The following PDE4D variants were observed in gnomAD, a reference collection of about 807,000 sequenced individuals.
The protein encoded by PDE4D is 3',5'-cyclic-AMP phosphodiesterase 4D.
Under a neutral mutation model 87.4 loss-of-function variants are expected in PDE4D, and 24 were observed. The ratio of observed to expected loss-of-function variants is 0.27; its 90% confidence interval spans 0.20 to 0.39. PDE4D has a LOEUF of 0.39. Among genes scored for constraint, PDE4D ranks in the 10% least tolerant of loss-of-function variants. The probability of loss-of-function intolerance (pLI) is 1.00; values close to 1 mark genes in which losing one functional copy is unlikely to be tolerated. For missense variants in PDE4D, 714 were observed against 1,041.0 expected, an observed-to-expected ratio of 0.69 and a Z score of 4.32; for synonymous variants, 384 against 383.2, an observed-to-expected ratio of 1.00 and a Z score of -0.02.
At chr5:59,833,006 C>T (rs10036621) in intron 1 of PDE4D, among the ~76,000 whole-genome samples, 14,374 of 151,928 alleles carry the variant, frequency 0.095, 2,112 homozygotes, top group African/African-American at 0.31. Context: ...CAGTGAAGGT[C>T]TGACAAGTAG....
chr5:60,281,654 A>G (rs997033112), intron 1 of PDE4D, among the ~76,000 whole-genome samples: 21 of 152,184 alleles, frequency 1.4e-4, no homozygotes, highest in African/African-American at 4.6e-4. Flanking sequence ...TTTAAAAATT[A>G]AGCAAAAGAA....
At chr5:60,227,573 A>T (rs1235485753) in intron 1 of PDE4D, among the ~76,000 whole-genome samples, 2 of 121,382 alleles carry the variant, frequency 1.6e-5, no homozygotes, top group Non-Finnish European at 3.3e-5. Flanking sequence ...GGAAGGGAGG[A>T]GGAGAGGAAA....
intron 2 of PDE4D, among the ~76,000 whole-genome samples, chr5:60,111,423 C>T (rs1741629414): frequency 6.6e-6 from 1 of 151,738 alleles, no homozygotes; most frequent in African/African-American, 2.4e-5. Flanking sequence ...GAACATTCAC[C>T]CAGAAAACAA....
chr5:59,023,256 C>T (rs1370315872), intron 6 of PDE4D, among the ~76,000 whole-genome samples: 3 of 152,088 alleles, frequency 2.0e-5, no homozygotes, highest in African/African-American at 7.2e-5. Context: ...ATCTTCCCCA[C>T]CAATACAACA....
Position 60,076,913 on chromosome 5 carries a change from G to C in PDE4D, c.43-88196C>G, listed in dbSNP as rs115485420. On this transcript the variant is annotated intron_variant, in intron 2 of 16. Coordinates refer to the PDE4D transcript ENST00000502484. ...CTGTGTGGGCATTCACAGCAGCAGT[G>C]GTGGCCACATGGCGACATGGCTTGG... Among the ~76,000 whole-genome samples the C allele has an allele frequency of 3.3e-5, 5 of 152,184 alleles. No homozygotes were observed. The East Asian group carries it at 5.8e-4, about 18-fold the overall frequency.
At chr5:59,657,912 T>C (rs1744635965) in intron 1 of PDE4D, among the ~76,000 whole-genome samples, 1 of 152,196 alleles carries the variant, frequency 6.6e-6, no homozygotes, top group Non-Finnish European at 1.5e-5. Context: ...TTTTGTGTTA[T>C]TCCTCTGCAA....
intron 1 of PDE4D, among the ~76,000 whole-genome samples, chr5:59,380,584 G>A (rs1239794492): frequency 6.6e-6 from 1 of 152,094 alleles, no homozygotes; most frequent in African/African-American, 2.4e-5. Flanking sequence ...TCTACTTCAG[G>A]CAGTTTCTCA....
chr5:59,200,276 CAGCTACAAGTATACATACATAT>C lies in PDE4D; in HGVS notation c.648-6762_648-6741del, dbSNP rs1175349995. Among the ~76,000 whole-genome samples the C allele has an allele frequency of 5.3e-4, 69 of 129,386 alleles. 3 individuals are homozygous for C. Among genetic ancestry groups the C allele is most frequent in the African/African-American group, 1.9e-3 (58 of 30,572 alleles). The allele number at this position is 129,386 out of a possible 152,430, so 84.9% of individuals were successfully genotyped here. Reference sequence around the variant, plus strand: ...ACGTATACATACATATGTGTATGTACAGCTACAAGTATACATACATATGTGTATGTACAGCTACACGTATACA... The same window carrying C: ...ACGTATACATACATATGTGTATGTACGTGTATGTACAGCTACACGTATACA... On this transcript the variant is annotated intron_variant, in intron 2 of 14. Transcript: ENST00000340635.
chr5:59,188,420 A>G (rs533562855), intron 3 of PDE4D, among the ~76,000 whole-genome samples: 5 of 152,286 alleles, frequency 3.3e-5, no homozygotes, highest in African/African-American at 9.6e-5. Context: ...GGAAGGATTC[A>G]ATGTTATTTA....
At chr5:59,108,316 T>G (rs536688664) in intron 5 of PDE4D, among the ~76,000 whole-genome samples, 22 of 152,330 alleles carry the variant, frequency 1.4e-4, no homozygotes, top group African/African-American at 4.8e-4. Context: ...GATACAAAAC[T>G]CTAGGTTTCT....
chr5:59,530,898 T>C (rs969102715), intron 1 of PDE4D, among the ~76,000 whole-genome samples: 1 of 152,220 alleles, frequency 6.6e-6, no homozygotes, highest in Admixed American at 6.5e-5. Flanking sequence ...GATAATGATG[T>C]TGAGTAGATG....
chr5:60,227,516 AG>A (rs1400013090), intron 1 of PDE4D, among the ~76,000 whole-genome samples: 6 of 146,028 alleles, frequency 4.1e-5, no homozygotes, highest in Non-Finnish European at 9.1e-5. Context: ...GAGGGAAATA[AG>A]GGTAGAAGGG....
chr5:59,549,024 T>C (rs1294289021), intron 1 of PDE4D, among the ~76,000 whole-genome samples: 2 of 152,130 alleles, frequency 1.3e-5, no homozygotes, highest in Non-Finnish European at 2.9e-5. Context: ...GTGAGGTGAA[T>C]TGCTGACTAA....
At chr5:59,919,502 G>T (rs1361837134) in intron 3 of PDE4D, among the ~76,000 whole-genome samples, 1 of 152,086 alleles carries the variant, frequency 6.6e-6, no homozygotes, top group Non-Finnish European at 1.5e-5. Flanking sequence ...TGCATAAATG[G>T]TCATCCCTAT....
chr5:59,265,451 TA>T (rs1020973468), intron 1 of PDE4D, among the ~76,000 whole-genome samples: 1 of 152,034 alleles, frequency 6.6e-6, no homozygotes, highest in East Asian at 1.9e-4. Flanking sequence ...CTGACTGTGT[TA>T]AAAAAGACTA....
At chr5:59,373,515 C>T (rs531420689) in intron 1 of PDE4D, among the ~76,000 whole-genome samples, 7 of 151,886 alleles carry the variant, frequency 4.6e-5, no homozygotes, top group Admixed American at 1.3e-4. Context: ...TGAACAAAAC[C>T]GAGAAATATG....
intron 1 of PDE4D, among the ~76,000 whole-genome samples, chr5:59,318,798 A>G (rs1361372787): frequency 6.6e-6 from 1 of 152,170 alleles, no homozygotes; most frequent in Admixed American, 6.6e-5. Context: ...TGTTAAAGAA[A>G]TAAACTACGT....
chr5:59,790,077 CAG>C (rs1765616308), intron 1 of PDE4D, among the ~76,000 whole-genome samples: 1 of 152,134 alleles, frequency 6.6e-6, no homozygotes, highest in Non-Finnish European at 1.5e-5. Flanking sequence ...CAGAGACACA[CAG>C]AGCCTGGAGA....
At chr5:59,812,497 A>G (rs1029936201) in intron 1 of PDE4D, among the ~76,000 whole-genome samples, 1 of 152,134 alleles carries the variant, frequency 6.6e-6, no homozygotes, top group African/African-American at 2.4e-5. Context: ...ACATGGTGAA[A>G]CCCTGTCTCT....
Sources: gnomAD v4.1 joint callset for allele counts (sites outside exome capture counted in the v4.1 genomes callset) on GRCh38, gnomAD v4.1.1 for gene constraint, MANE v1.5 for transcripts, NCBI Gene and HGNC (gene_info 2026-07-23, HGNC 2026-07-21) for gene names.